The following NUMA1 variants were observed in gnomAD, a reference collection of about 807,000 sequenced individuals.
NUMA1 encodes the protein nuclear mitotic apparatus protein 1.
A neutral mutation model predicts 237.1 loss-of-function variants in NUMA1; 62 were observed. That is an observed-to-expected ratio of 0.26 (90% CI 0.21 to 0.32). NUMA1 has a LOEUF of 0.32. NUMA1 is among the 10% of genes least tolerant of loss of function. The probability of loss-of-function intolerance (pLI) is 1.00; values close to 1 mark genes in which losing one functional copy is unlikely to be tolerated. For missense variants in NUMA1, 2,533 were observed against 2,666.5 expected (o/e 0.95, Z 1.10); for synonymous variants, 1,028 against 1,066.1 (o/e 0.96, Z 0.70).
rs1301563769 is a variant in NUMA1 at position 72,017,716 on chromosome 11, T to C, written c.1090A>G (p.Lys364Glu). ...TCCTGCAGGGCTGCGCTGAGCTCCT[T>C]CTCCAGCTGGGCCTGCTTCTCTAGC... Reference protein sequence around the residue: ...EWLEKQAQLEKELSAALQDKK... With the variant: ...EWLEKQAQLEEELSAALQDKK... The change falls in exon 13 of 27, where the codon AAG (lysine) becomes GAG (glutamate). Residue 364 changes from lysine (K) to glutamate (E), a missense_variant. Around this residue, in one of 3 missense-constraint regions of NUMA1, gnomAD observed 1,414 missense variants for 1,508.1 expected, o/e 0.94. Transcript: ENST00000393695. The C allele has an allele frequency of 4.3e-6, 7 of 1,613,356 alleles. No homozygotes were observed. The highest frequency in any genetic ancestry group is 1.3e-5 in the African/African-American group (1 of 74,918).
intron 2 of NUMA1, among the ~76,000 whole-genome samples, chr11:72,047,059 A>G (rs565956698): frequency 2.6e-5 from 4 of 152,272 alleles, no homozygotes; most frequent in African/African-American, 9.6e-5. Flanking sequence ...GGTTAGGAGC[A>G]CAAAGGTTAT....
Position 72,014,997 on chromosome 11 carries a change from T to C in NUMA1, c.2506A>G (p.Met836Val). The stretch of plus-strand genomic sequence containing the variant: ...TTCTCACATTCCTCCTTCAAAGTCA[T>C]CAGCTGTTCCTGGAACATGGCGCCA... ...QYGAMFQEQL[M>V]TLKEECEKAR... is the part of the protein sequence containing the mutation. Residue 836 changes from methionine to valine, a missense_variant, in exon 15 of 27, where the codon ATG becomes GTG. By Grantham distance (21) the Met-to-Val change is conservative. Coordinates refer to ENST00000393695, the MANE Select transcript of NUMA1 (RefSeq NM_006185.4). This position sits in a 1 kb window ranked among gnomAD's most constrained non-coding sequence, Gnocchi z 4.6. 6.2e-7 allele frequency: 1 copy of C among 1,614,036 alleles called. No homozygotes were observed. The highest frequency in any genetic ancestry group is 8.5e-7 in the Non-Finnish European group (1 of 1,180,018).
intron 2 of NUMA1, among the ~76,000 whole-genome samples, chr11:72,056,635 T>TAAAAAAAAAAAAAAAAAAAAAAA (rs59248999): frequency 1.3e-5 from 1 of 76,010 alleles, no homozygotes. Context: ...CCCATCTCTT[T>TAAAAAAAAAAAAAAAAAAAAAAA]AAAAAAAAAA....
intron 10 of NUMA1, 97 bp from the exon 11 acceptor site, chr11:72,018,610 A>G (rs949325): frequency 0.92 from 1,063,055 of 1,154,574 alleles, 491,112 homozygotes; most frequent in Non-Finnish European, 0.95. Flanking sequence ...AAGGGAGGAG[A>G]CGGCATAGGG....
At chr11:72,029,572 A>G (rs117027436) in intron 3 of NUMA1, among the ~76,000 whole-genome samples, 83 of 152,342 alleles carry the variant, frequency 5.4e-4, no homozygotes, top group Non-Finnish European at 1.0e-3. Context: ...GGAAGGATAC[A>G]CCAATAAATT....
chr11:72,056,791 C>T (rs556977200), intron 2 of NUMA1, among the ~76,000 whole-genome samples: 10 of 152,040 alleles, frequency 6.6e-5, no homozygotes, highest in Admixed American at 6.5e-4. Flanking sequence ...AATTCTTGCA[C>T]ACTCAAATAA....
chr11:72,008,567 T>G, intron 20 of NUMA1, 121 bp downstream of exon 20: 2 of 1,176,072 alleles, frequency 1.7e-6, no homozygotes, highest in South Asian at 1.3e-5. Context: ...ATAATACCCG[T>G]TTTTCGTTAT....
At chr11:72,052,399 C>T (rs574821329) in intron 2 of NUMA1, among the ~76,000 whole-genome samples, 1 of 152,276 alleles carries the variant, frequency 6.6e-6, no homozygotes, top group Admixed American at 6.5e-5. Flanking sequence ...GAGAAAACAG[C>T]ACATGCAAAG....
intron 2 of NUMA1, among the ~76,000 whole-genome samples, chr11:72,038,785 TC>T (rs1275803274): frequency 6.9e-6 from 1 of 144,160 alleles, no homozygotes; most frequent in Non-Finnish European, 1.5e-5. Context: ...GCACCCCCCG[TC>T]CCCCCCACAA....
At position 72,004,312 on chromosome 11, in the gene NUMA1, G is replaced by C. The variant is rs767168431; in HGVS notation, c.6036C>G (p.Arg2012=). 1 of 1,613,286 alleles carries C rather than the reference G, an allele frequency of 6.2e-7. No individual in the cohort carries two copies. The highest frequency in any genetic ancestry group is 1.1e-5 in the South Asian group (1 of 91,050). The change falls in exon 25 of 27, where the codon CGC becomes CGG. Residue 2012 remains arginine (R), a synonymous_variant. Transcript: ENST00000393695. ...ESKKATSCFP[R]PMTPRDRHEG... ...CATGTCGGTCTCGGGGAGTCATGGG[G>C]CGTGGGAAACAGCTGGTGGCCTTCT...
chr11:72,007,091 C>T (rs1346561443), intron 21 of NUMA1, 98 bp downstream of exon 21: 16 of 1,434,658 alleles, frequency 1.1e-5, no homozygotes, highest in Admixed American at 1.9e-5. Flanking sequence ...GGACTGGCTG[C>T]TCATCCCTCC....
chr11:72,020,920 G>A (rs949083408), intron 8 of NUMA1: 2 of 321,982 alleles, frequency 6.2e-6, no homozygotes, highest in South Asian at 1.4e-4. Flanking sequence ...CAGCTTCTAA[G>A]CCTAGAGTAA....
At chr11:72,077,813 CAAAA>C (rs374544097) in intron 1 of NUMA1, among the ~76,000 whole-genome samples, 1 of 26,822 alleles carries the variant, frequency 3.7e-5, no homozygotes, top group Non-Finnish European at 8.3e-5. Flanking sequence ...GACTCCATCT[CAAAA>C]AAAAAAAAAA....
chr11:72,010,491 A>G (rs1956076049), intron 17 of NUMA1, among the ~76,000 whole-genome samples: 1 of 152,244 alleles, frequency 6.6e-6, no homozygotes, highest in Non-Finnish European at 1.5e-5. Flanking sequence ...ACAGGGGCAC[A>G]GTGTAGCTAG....
chr11:72,019,466 A>G (rs1410036861), intron 9 of NUMA1, 28 bp downstream of exon 9: 2 of 1,608,844 alleles, frequency 1.2e-6, no homozygotes, highest in South Asian at 2.2e-5. Context: ...CTGAGGCCCT[A>G]TCCCAGGAGG....
chr11:72,026,576 C>T (rs1040237299), intron 4 of NUMA1, among the ~76,000 whole-genome samples: 5 of 152,204 alleles, frequency 3.3e-5, no homozygotes, highest in Non-Finnish European at 5.9e-5. Flanking sequence ...AGGGGTTGAT[C>T]CCAGTTAATT....
rs1403097690 is a variant in NUMA1, at chr11:72,013,168, G to A, written c.4335C>T (p.Gly1445=). The A allele has an allele frequency of 2.5e-6, 4 of 1,613,564 alleles. No homozygotes were observed. The African/African-American group carries it at 5.3e-5, about 22-fold the overall frequency. ...GCCCCCGGTTCTCCTCTGCCAGCAG[G>A]CCATGCGCCTTCTTCAGCATGCTCA... ...EQLSMLKKAH[G]LLAEENRGLG... The change falls in exon 15 of 27, where the codon GGC becomes GGT. Residue 1445 remains glycine, a synonymous_variant. Coordinates refer to ENST00000393695, the MANE Select transcript of NUMA1 (RefSeq NM_006185.4). The surrounding 1 kb of genome is among the most constrained non-coding windows in gnomAD (Gnocchi z 6.8).
chr11:72,016,341 A>T, intron 14 of NUMA1, 67 bp downstream of exon 14: 2 of 1,592,542 alleles, frequency 1.3e-6, no homozygotes, highest in South Asian at 2.2e-5. Flanking sequence ...GAACACCAGG[A>T]ACCCAAATGT....
At chr11:72,004,392 G>A (rs1409461619) in intron 24 of NUMA1, 51 bp from the exon 25 acceptor site, 52 of 1,515,862 alleles carry the variant, frequency 3.4e-5, no homozygotes, top group Non-Finnish European at 4.5e-5. Context: ...AGTCACATCT[G>A]AAGCCAGGTG....
Sources: allele counts gnomAD v4.1 joint callset (sites outside exome capture counted in the v4.1 genomes callset), GRCh38; gene constraint gnomAD v4.1.1; regional missense constraint gnomAD v4.1.1; non-coding constraint Gnocchi (gnomAD v3.1); transcripts MANE v1.5; gene names NCBI Gene and HGNC (gene_info 2026-07-23, HGNC 2026-07-21).